The following HDX variants were observed in gnomAD, a reference collection of about 807,000 sequenced individuals.
The protein encoded by HDX is highly divergent homeobox.
HDX carries 19 observed loss-of-function variants against 45.2 expected under a neutral mutation model. The ratio of observed to expected loss-of-function variants is 0.42; its 90% CI spans 0.29 to 0.62. HDX has a LOEUF of 0.62. HDX is among the 20% of genes least tolerant of loss of function. HDX has a pLI of 0.20. For missense variants in HDX, 532 were observed against 493.9 expected (o/e 1.08, Z -0.73); for synonymous variants, 188 against 172.8 (o/e 1.09, Z -0.69).
intron 2 of HDX, among the ~76,000 whole-genome samples, chrX:84,485,789 T>C (rs7059447): frequency 0.39 from 43,217 of 110,684 alleles, 7,267 homozygotes; most frequent in African/African-American, 0.65. Flanking sequence ...CCCTTTATTC[T>C]TTAGTTATGT....
intron 5 of HDX, among the ~76,000 whole-genome samples, chrX:84,421,691 G>A (rs56251925): frequency 0.11 from 11,843 of 103,002 alleles, 623 homozygotes; most frequent in South Asian, 0.28. Context: ...CATCTATAAA[G>A]ACACATAGGC....
chrX:84,373,506 C>T (rs1416930076), intron 5 of HDX, among the ~76,000 whole-genome samples: 3 of 110,544 alleles, frequency 2.7e-5, no homozygotes, highest in East Asian at 2.9e-4. Flanking sequence ...TGCAAAAATC[C>T]TCAATAAAAT....
At chrX:84,454,050 C>A (rs2040061583) in intron 4 of HDX, among the ~76,000 whole-genome samples, 1 of 111,579 alleles carries the variant, frequency 9.0e-6, no homozygotes, top group Non-Finnish European at 1.9e-5. Flanking sequence ...GCCCTTTGAA[C>A]CTGAGTTGTC....
chrX:84,383,756 G>T (rs1252799932), intron 5 of HDX, among the ~76,000 whole-genome samples: 1 of 111,421 alleles, frequency 9.0e-6, no homozygotes, highest in Non-Finnish European at 1.9e-5. Context: ...TTATGTCCAT[G>T]CATGCTCAAA....
At chrX:84,496,075 A>T (rs1246302969) in intron 1 of HDX, among the ~76,000 whole-genome samples, 2 of 111,828 alleles carry the variant, frequency 1.8e-5, no homozygotes. Flanking sequence ...TCAATGGTAA[A>T]GCCATTGCTG....
intron 7 of HDX, among the ~76,000 whole-genome samples, chrX:84,339,284 G>C (rs1286441971): frequency 9.0e-6 from 1 of 111,296 alleles, no homozygotes; most frequent in Non-Finnish European, 1.9e-5. Flanking sequence ...CAATTCCTAT[G>C]TAATCAGCAA....
rs752110850 is a variant in HDX at position 84,344,740 on chromosome X, G to A, written c.1453-283C>T. Among the ~76,000 whole-genome samples, 8 of 110,806 alleles carry A rather than the reference G, an allele frequency of 7.2e-5. No homozygotes were observed. The East Asian group carries it at 1.7e-3, about 24-fold the overall frequency. On this transcript the variant is annotated intron_variant, in intron 6 of 10. Transcript: ENST00000373177. ...TACATGTACAGATTTTATAATGATC[G>A]AATCATGATGGTTAGCATGTCAATC...
intron 4 of HDX, among the ~76,000 whole-genome samples, chrX:84,445,878 G>T (rs187473886): frequency 9.0e-6 from 1 of 111,405 alleles, no homozygotes; most frequent in Non-Finnish European, 1.9e-5. Flanking sequence ...AGCCTGGAAA[G>T]TTCATCTAAT....
intron 5 of HDX, among the ~76,000 whole-genome samples, chrX:84,405,768 TA>T (rs1271580710): frequency 9.2e-6 from 1 of 108,734 alleles, no homozygotes; most frequent in Admixed American, 1.0e-4. Flanking sequence ...AATCATCAAC[TA>T]TAAATCCTTT....
intron 1 of HDX, chrX:84,500,116 G>A (rs2041087631): frequency 9.0e-6 from 1 of 110,963 alleles, no homozygotes; most frequent in Admixed American, 9.6e-5. Flanking sequence ...CCTTGATCTT[G>A]TTTATGAGGA....
At chrX:84,486,146 T>A (rs2040784707) in intron 2 of HDX, among the ~76,000 whole-genome samples, 1 of 111,130 alleles carries the variant, frequency 9.0e-6, no homozygotes. Context: ...ATCTGAATAC[T>A]TTTTGGTATT....
intron 7 of HDX, among the ~76,000 whole-genome samples, chrX:84,338,437 C>T (rs751595235): frequency 2.7e-5 from 3 of 110,463 alleles, no homozygotes; most frequent in Non-Finnish European, 5.7e-5. Context: ...CATTATCTCA[C>T]ATAGTTATCC....
At chrX:84,493,574 C>A (rs2040938296) in intron 1 of HDX, among the ~76,000 whole-genome samples, 1 of 111,767 alleles carries the variant, frequency 8.9e-6, no homozygotes, top group Non-Finnish European at 1.9e-5. Context: ...ATAGCTACAT[C>A]CCTAATGACT....
At chrX:84,471,657 G>A (rs1026629970) in intron 3 of HDX, among the ~76,000 whole-genome samples, 1 of 109,054 alleles carries the variant, frequency 9.2e-6, no homozygotes, top group East Asian at 2.9e-4. Context: ...CATCTCTATT[G>A]GCCATTTTAT....
At chrX:84,380,698 A>T (rs1468303994) in intron 5 of HDX, among the ~76,000 whole-genome samples, 4 of 111,225 alleles carry the variant, frequency 3.6e-5, no homozygotes, top group African/African-American at 1.3e-4. Flanking sequence ...AACAACAGCC[A>T]TCACAAAACC....
At chrX:84,417,150 AAAAGAAAGAAAG>A (rs59777893) in intron 5 of HDX, among the ~76,000 whole-genome samples, 2 of 106,071 alleles carry the variant, frequency 1.9e-5, no homozygotes, top group Admixed American at 1.1e-4. Flanking sequence ...CGAGACTCCA[AAAAGAAAGAAAG>A]AAAGAAAGAA....
chrX:84,492,163 T>G (rs1404111917), intron 1 of HDX, among the ~76,000 whole-genome samples: 2 of 111,248 alleles, frequency 1.8e-5, no homozygotes, highest in Non-Finnish European at 3.8e-5. Context: ...CTGGAAACTT[T>G]CCCAAGGCAG....
At chrX:84,412,365 A>G (rs1467536778) in intron 5 of HDX, among the ~76,000 whole-genome samples, 13 of 111,487 alleles carry the variant, frequency 1.2e-4, no homozygotes, top group African/African-American at 4.2e-4. Context: ...ATTAAAAAAA[A>G]ATTCTGTATC....
chrX:84,461,490 C>A (rs1468961309), intron 4 of HDX, among the ~76,000 whole-genome samples: 1 of 109,284 alleles, frequency 9.2e-6, no homozygotes, highest in East Asian at 2.8e-4. Flanking sequence ...TGAAACTAGA[C>A]CCCCATCTCT....
Sources: allele counts gnomAD v4.1 joint callset (sites outside exome capture counted in the v4.1 genomes callset), GRCh38; gene constraint gnomAD v4.1.1; transcripts MANE v1.5; gene names NCBI Gene and HGNC (gene_info 2026-07-23, HGNC 2026-07-21).